The following FGGY variants were observed in gnomAD, a reference collection of about 807,000 sequenced individuals.
FGGY encodes FGGY carbohydrate kinase domain containing, also known as FGGY carbohydrate kinase domain-containing protein.
Under a neutral mutation model 71.3 loss-of-function variants are expected in FGGY, and 72 were observed. The observed-to-expected ratio is 1.01, with a 90% CI of 0.84 to 1.23. The LOEUF is 1.23. FGGY is among the 50% of genes most tolerant of loss of function. FGGY has a pLI of 0.00. For synonymous variants in FGGY, 251 were observed against 250.3 expected, an observed-to-expected ratio of 1.00 and a Z score of -0.02; for missense variants, 668 against 682.3, an observed-to-expected ratio of 0.98 and a Z score of 0.23.
chr1:59,390,922 A>G (rs779424546), intron 5 of FGGY, among the ~76,000 whole-genome samples: 2 of 152,176 alleles, frequency 1.3e-5, no homozygotes, highest in Non-Finnish European at 1.5e-5. Context: ...CCTTACATAT[A>G]TATTAGTAAA....
chr1:59,629,897 A>G (rs1158698248), intron 10 of FGGY, among the ~76,000 whole-genome samples: 1 of 152,168 alleles, frequency 6.6e-6, no homozygotes, highest in Admixed American at 6.5e-5. Flanking sequence ...TGTAAACTGA[A>G]TTGTGACAAT....
intron 7 of FGGY, among the ~76,000 whole-genome samples, chr1:59,538,811 C>T (rs927697495): frequency 3.8e-5 from 5 of 130,066 alleles, no homozygotes; most frequent in Non-Finnish European, 6.1e-5. Context: ...CACATGGACA[C>T]AGGAAGGGGA....
Position 59,519,825 on chromosome 1 carries a change from C to T in FGGY, c.799+7386C>T, listed in dbSNP as rs139146490. ...GAAGGCAGAAAGAATAATGTTTCCA[C>T]AATCACATAACTAATCTCATAGCAA... On this transcript the variant is annotated intron_variant, in intron 7 of 15. Coordinates refer to ENST00000303721, the MANE Select transcript of FGGY (RefSeq NM_018291.5). Among the ~76,000 whole-genome samples, 478 of 152,362 alleles carry T rather than the reference C, an allele frequency of 3.1e-3. 6 individuals carry two copies. The highest frequency in any genetic ancestry group is 0.01 in the African/African-American group (436 of 41,582).
intron 4 of FGGY, among the ~76,000 whole-genome samples, chr1:59,346,942 CAATT>C (rs1241532890): frequency 7.6e-6 from 1 of 131,864 alleles, no homozygotes; most frequent in African/African-American, 3.0e-5. Flanking sequence ...CATCCAAAAT[CAATT>C]CTTTTTTTTT....
At chr1:59,475,343 A>G (rs1269275100) in intron 6 of FGGY, among the ~76,000 whole-genome samples, 1 of 152,094 alleles carries the variant, frequency 6.6e-6, no homozygotes, top group Non-Finnish European at 1.5e-5. Flanking sequence ...TTTTTCCATG[A>G]ATAGAGGGGT....
At chr1:59,494,660 G>A (rs2093977566) in intron 6 of FGGY, among the ~76,000 whole-genome samples, 1 of 152,120 alleles carries the variant, frequency 6.6e-6, no homozygotes, top group Non-Finnish European at 1.5e-5. Flanking sequence ...CAGATGGTAG[G>A]TTGTAGATAC....
In FGGY at chr1:59,633,070, G is replaced by T. The variant is rs1306040906; in HGVS notation, c.1074-5158G>T. On this transcript the variant is annotated intron_variant, in intron 10 of 15. Transcript: ENST00000303721. The stretch of plus-strand genomic sequence containing the variant: ...CTTTCACCCAGGCTGGAGTGCAGTG[G>T]CACTATCTCAGCTCACTGCAAGCTC... Among the ~76,000 whole-genome samples the T allele has an allele frequency of 2.7e-5, 4 of 150,784 alleles. No individual in the cohort carries two copies. The South Asian group carries it at 6.3e-4, about 24-fold the overall frequency.
At chr1:59,666,801 C>T (rs1158889021) in intron 12 of FGGY, among the ~76,000 whole-genome samples, 1 of 152,162 alleles carries the variant, frequency 6.6e-6, no homozygotes, top group Non-Finnish European at 1.5e-5. Context: ...AGCCCTCTTT[C>T]CATGATTCTG....
intron 1 of FGGY, among the ~76,000 whole-genome samples, chr1:59,313,233 C>G (rs2044700754): frequency 1.3e-5 from 2 of 152,286 alleles, no homozygotes; most frequent in South Asian, 4.1e-4. Context: ...CTCATCATCT[C>G]CCAAAGGTCC....
At chr1:59,690,672 G>A (rs1049524820) in intron 14 of FGGY, among the ~76,000 whole-genome samples, 2 of 152,148 alleles carry the variant, frequency 1.3e-5, no homozygotes, top group Non-Finnish European at 2.9e-5. Context: ...CATGTATGCT[G>A]TACCAGACTG....
intron 11 of FGGY, among the ~76,000 whole-genome samples, chr1:59,640,241 A>G (rs1558638689): frequency 6.6e-6 from 1 of 152,340 alleles, no homozygotes. Context: ...GAAGGAGAAG[A>G]TGACCTAAAT....
At chr1:59,664,622 C>A (rs1227563312) in intron 12 of FGGY, among the ~76,000 whole-genome samples, 1 of 152,176 alleles carries the variant, frequency 6.6e-6, no homozygotes, top group African/African-American at 2.4e-5. Flanking sequence ...ATTGCTTAGT[C>A]AAATTATATA....
chr1:59,657,415 T>G (rs11207497), intron 11 of FGGY, among the ~76,000 whole-genome samples: 1 of 151,980 alleles, frequency 6.6e-6, no homozygotes, highest in Non-Finnish European at 1.5e-5. Context: ...CTAGGAGACC[T>G]AATAGCAGAG....
intron 7 of FGGY, among the ~76,000 whole-genome samples, chr1:59,535,977 A>G (rs1216767307): frequency 1.3e-5 from 2 of 149,040 alleles, no homozygotes; most frequent in East Asian, 3.9e-4. Flanking sequence ...AGAAATAACT[A>G]AAATCACAGC....
chr1:59,581,043 G>A (rs572751323), intron 8 of FGGY, among the ~76,000 whole-genome samples: 15 of 151,924 alleles, frequency 9.9e-5, no homozygotes, highest in Non-Finnish European at 1.9e-4. Flanking sequence ...AATGACACTG[G>A]CTGTTGAGCA....
At chr1:59,415,329 C>T (rs781615370) in intron 5 of FGGY, among the ~76,000 whole-genome samples, 1 of 152,148 alleles carries the variant, frequency 6.6e-6, no homozygotes, top group Non-Finnish European at 1.5e-5. Flanking sequence ...GATTTCACAA[C>T]AAGTGTTGAT....
chr1:59,696,367 C>G (rs533317512), intron 14 of FGGY, among the ~76,000 whole-genome samples: 1 of 151,978 alleles, frequency 6.6e-6, no homozygotes, highest in East Asian at 1.9e-4. Flanking sequence ...AGTTTTTTTC[C>G]CAGGACTTAA....
intron 1 of FGGY, among the ~76,000 whole-genome samples, chr1:59,307,429 A>G (rs992924938): frequency 2.6e-5 from 4 of 152,066 alleles, no homozygotes; most frequent in African/African-American, 9.7e-5. Context: ...GAATAAGGCT[A>G]TTGTTAGGAT....
At chr1:59,408,836 C>A (rs955398758) in intron 5 of FGGY, among the ~76,000 whole-genome samples, 2 of 152,112 alleles carry the variant, frequency 1.3e-5, no homozygotes, top group Non-Finnish European at 1.5e-5. Context: ...AGAGGCCCAA[C>A]CACTTTGATT....
Sources: gnomAD v4.1 joint callset for allele counts (sites outside exome capture counted in the v4.1 genomes callset) on GRCh38, gnomAD v4.1.1 for gene constraint, MANE v1.5 for transcripts, NCBI Gene and HGNC (gene_info 2026-07-23, HGNC 2026-07-21) for gene names.